Variants in PYGO1 observed in about 807,000 individuals in gnomAD.
PYGO1 encodes pygopus homolog 1.
PYGO1 carries 6 observed loss-of-function variants against 29.5 expected under a neutral mutation model. The ratio of observed to expected loss-of-function variants is 0.20; its 90% CI spans 0.11 to 0.40. The LOEUF (loss-of-function observed/expected upper bound fraction) is 0.40. PYGO1 is among the 10% of genes least tolerant of loss of function. The pLI is 1.00. For synonymous variants in PYGO1, 186 were observed against 180.5 expected (o/e 1.03, Z -0.24); for missense variants, 515 against 514.9 (o/e 1.00, Z 0.00).
rs1053578897 is a variant in PYGO1, at chr15:55,588,281, C to A, written c.-398G>T. On this transcript the variant is annotated 5_prime_UTR_variant, in exon 1 of 3. Transcript: ENST00000563719. ...CAGGAGGCTCGCGGCCCGGCCCTGGCGGCACACTCACAGCGCCCTCTGAGG... is the reference window on the plus strand; with the variant it reads ...CAGGAGGCTCGCGGCCCGGCCCTGGAGGCACACTCACAGCGCCCTCTGAGG... 6.7e-6 allele frequency among the ~76,000 whole-genome samples: 1 copy of A among 148,770 alleles called. No individual in the cohort carries two copies. The highest frequency in any genetic ancestry group is 1.5e-5 in the Non-Finnish European group (1 of 66,854).
At position 55,546,679 on chromosome 15, in the gene PYGO1, A is replaced by T. The variant is rs957373654; in HGVS notation, c.604T>A (p.Ser202Thr). Residue 202 changes from serine to threonine, a missense_variant, in exon 3 of 3, where the codon TCT (serine) becomes ACT (threonine). By Grantham distance (58) the Ser-to-Thr change is moderately conservative. Coordinates refer to ENST00000563719, the MANE Select transcript of PYGO1 (RefSeq NM_001367806.1). ...ASQVSNPDLA[S>T]NFVPGNNSNF... ...GAATTATTTCCAGGAACAAAATTAG[A>T]TGCCAAATCGGGGTTAGAAACTTGG... 1 of 1,614,092 alleles carries T rather than the reference A, an allele frequency of 6.2e-7. No individual in the cohort carries two copies. Among genetic ancestry groups the T allele is most frequent in the Non-Finnish European group, 8.5e-7 (1 of 1,179,966 alleles).
At chr15:55,586,467 G>A (rs1006654620) in intron 1 of PYGO1, among the ~76,000 whole-genome samples, 1 of 152,072 alleles carries the variant, frequency 6.6e-6, no homozygotes, top group South Asian at 2.1e-4. Context: ...ACTACTGAAC[G>A]ACTGTAATTT....
chr15:55,571,967 C>T (rs1481192674), intron 1 of PYGO1, among the ~76,000 whole-genome samples: 2 of 152,114 alleles, frequency 1.3e-5, no homozygotes, highest in African/African-American at 4.8e-5. Context: ...TATTAGAAGT[C>T]TTCCTCTGTG....
At chr15:55,552,515 T>C (rs141887195) in intron 1 of PYGO1, among the ~76,000 whole-genome samples, 3 of 150,360 alleles carry the variant, frequency 2.0e-5, no homozygotes, top group African/African-American at 4.9e-5. Flanking sequence ...CCACAGAGAA[T>C]GAAGAAAAAT....
intron 1 of PYGO1, among the ~76,000 whole-genome samples, chr15:55,580,841 T>C (rs1252825609): frequency 6.6e-6 from 1 of 152,164 alleles, no homozygotes; most frequent in Non-Finnish European, 1.5e-5. Flanking sequence ...AACAAGAATG[T>C]CAGAAGACAG....
At chr15:55,560,178 G>A (rs4774788) in intron 1 of PYGO1, among the ~76,000 whole-genome samples, 57,352 of 151,928 alleles carry the variant, frequency 0.38, 13,866 homozygotes, top group Non-Finnish European at 0.55. Flanking sequence ...TCAAAGTTCT[G>A]GTCAGGGCAA....
intron 1 of PYGO1, among the ~76,000 whole-genome samples, chr15:55,553,945 C>T (rs2058891689): frequency 6.6e-6 from 1 of 151,958 alleles, no homozygotes; most frequent in African/African-American, 2.4e-5. Context: ...AGAAGTATGG[C>T]CTGAATGTTA....
intron 1 of PYGO1, among the ~76,000 whole-genome samples, chr15:55,571,288 C>T (rs576225072): frequency 2.0e-5 from 3 of 152,226 alleles, no homozygotes; most frequent in African/African-American, 7.2e-5. Flanking sequence ...TTGTTTCTAC[C>T]TTTTAGCTAC....
At chr15:55,551,941 T>A (rs1365221631) in intron 1 of PYGO1, among the ~76,000 whole-genome samples, 6 of 152,136 alleles carry the variant, frequency 3.9e-5, no homozygotes, top group Non-Finnish European at 7.3e-5. Flanking sequence ...CATATTAAAA[T>A]AAATCAATTT....
In PYGO1 at chr15:55,585,252, T is replaced by C. The variant is rs142699250; in HGVS notation, c.49+2583A>G. ...CTTAGCCTTATCCTAAGCAAGGTAT[T>C]TGGTGACTCTTTTAATACATATAAA... is the stretch of plus-strand genomic sequence containing the variant. On this transcript the variant is annotated intron_variant, in intron 1 of 2. Coordinates refer to ENST00000563719, the MANE Select transcript of PYGO1 (RefSeq NM_001367806.1). Among the ~76,000 whole-genome samples the C allele has an allele frequency of 7.2e-5, 11 of 152,342 alleles. No homozygotes were observed. In the East Asian group the frequency reaches 1.5e-3, roughly 21 times the overall value.
chr15:55,570,591 G>A (rs2058976327), intron 1 of PYGO1, among the ~76,000 whole-genome samples: 1 of 150,690 alleles, frequency 6.6e-6, no homozygotes, highest in Non-Finnish European at 1.5e-5. Flanking sequence ...TTGATTTCTT[G>A]TTATAAAATT....
intron 1 of PYGO1, among the ~76,000 whole-genome samples, chr15:55,586,272 G>T (rs187660676): frequency 3.7e-4 from 57 of 152,244 alleles, no homozygotes; most frequent in Non-Finnish European, 7.2e-4. Context: ...AGTCTCCCCT[G>T]CTTCAGCCTT....
chr15:55,546,408 G>C lies in PYGO1; in HGVS notation c.875C>G (p.Thr292Ser). The C allele has an allele frequency of 6.2e-7, 1 of 1,614,174 alleles. No individual in the cohort carries two copies. Among genetic ancestry groups the C allele is most frequent in the Non-Finnish European group, 8.5e-7 (1 of 1,180,028 alleles). Residue 292 changes from threonine (T) to serine (S), a missense_variant, in exon 3 of 3, where the codon ACT becomes AGT. Thr to Ser is a moderately conservative substitution (Grantham distance 58). Coordinates refer to ENST00000563719, the MANE Select transcript of PYGO1 (RefSeq NM_001367806.1). ...VNQENSRSSS[T>S]EATNNNPANG... ...TGCAGGGTTATTGTTTGTGGCTTCA[G>C]TGCTACTTGAACGGCTGTTCTCCTG...
At chr15:55,555,966 T>G (rs1279625025) in intron 1 of PYGO1, among the ~76,000 whole-genome samples, 1 of 151,988 alleles carries the variant, frequency 6.6e-6, no homozygotes, top group Non-Finnish European at 1.5e-5. Flanking sequence ...CTATCCTAAA[T>G]ATATTTGCAC....
chr15:55,567,969 G>A (rs952428476), intron 1 of PYGO1, among the ~76,000 whole-genome samples: 6 of 152,126 alleles, frequency 3.9e-5, no homozygotes, highest in Non-Finnish European at 8.8e-5. Flanking sequence ...GTACCATGCT[G>A]TTTTTGATAC....
chr15:55,542,463 G>A lies in PYGO1; in HGVS notation c.*3560C>T, dbSNP rs2058831812. The A allele has an allele frequency of 6.6e-6, 1 of 152,088 alleles. No homozygotes were observed. 9.4% of individuals were successfully genotyped at this position (152,088 alleles called of 1,614,324 possible). On this transcript the variant is annotated 3_prime_UTR_variant, in exon 3 of 3. Transcript: ENST00000563719. Reference sequence around the variant, plus strand: ...TACTCTAAAGTATTTCACACAAAAGGAAAACACTGATCACAAATCTAATTC... The same window carrying A: ...TACTCTAAAGTATTTCACACAAAAGAAAAACACTGATCACAAATCTAATTC...
chr15:55,549,101 T>C, intron 1 of PYGO1, 106 bp from the exon 2 acceptor site: 1 of 852,170 alleles, frequency 1.2e-6, no homozygotes, highest in Non-Finnish European at 1.7e-6. Context: ...TCTATTTTCG[T>C]TAGACAAGAG....
Position 55,549,570 on chromosome 15 carries a change from T to TA in PYGO1, c.50-576dup, listed in dbSNP as rs892650586. On this transcript the variant is annotated intron_variant, in intron 1 of 2. Coordinates refer to ENST00000563719, the MANE Select transcript of PYGO1 (RefSeq NM_001367806.1). ...TTCCAAGCCTCTGCTGTTGCTGCAA[T>TA]AAAAATCCATGTATAAATGCCTTTA... 8.5e-5 allele frequency among the ~76,000 whole-genome samples: 13 copies of TA among 152,196 alleles called. 1 individual carries two copies. The highest frequency in any genetic ancestry group is 7.9e-4 in the Admixed American group (12 of 15,278).
rs570139991 is a variant in PYGO1, at chr15:55,577,934, T to C, written c.49+9901A>G. Among the ~76,000 whole-genome samples the C allele has an allele frequency of 2.0e-5, 3 of 152,036 alleles. No individual in the cohort carries two copies. The South Asian group carries it at 6.3e-4, about 32-fold the overall frequency. Reference sequence around the variant, plus strand: ...GGATTACAGGTGGCTGCCACCATGCTTGGTGAATTTTTTTATTTGTAGTAG... The same window carrying C: ...GGATTACAGGTGGCTGCCACCATGCCTGGTGAATTTTTTTATTTGTAGTAG... On this transcript the variant is annotated intron_variant, in intron 1 of 2. Transcript: ENST00000563719.
Sources: allele counts gnomAD v4.1 joint callset (sites outside exome capture counted in the v4.1 genomes callset), GRCh38; gene constraint gnomAD v4.1.1; transcripts MANE v1.5; gene names NCBI Gene and HGNC (gene_info 2026-07-23, HGNC 2026-07-21).